PLCB1: variants seen among roughly 807,000 people sequenced by gnomAD.
The protein encoded by PLCB1 is 1-phosphatidylinositol 4,5-bisphosphate phosphodiesterase beta-1.
A neutral mutation model predicts 161.8 loss-of-function variants in PLCB1; 46 were observed. That is an observed-to-expected ratio of 0.28 (90% CI 0.22 to 0.36). The LOEUF (loss-of-function observed/expected upper bound fraction) is 0.36. Among genes scored for constraint, PLCB1 ranks in the 10% least tolerant of loss-of-function variants. The pLI, the probability that PLCB1 is intolerant of heterozygous loss-of-function variation, is 1.00. For synonymous variants in PLCB1, 517 were observed against 503.7 expected (o/e 1.03, Z -0.35); for missense variants, 1,016 against 1,472.5 (o/e 0.69, Z 5.07).
chr20:8,525,883 C>T (rs1984567059), intron 3 of PLCB1, among the ~76,000 whole-genome samples: 1 of 150,520 alleles, frequency 6.6e-6, no homozygotes, highest in Admixed American at 6.6e-5. Context: ...GACATTTGTT[C>T]AGCTCCTAAA....
intron 3 of PLCB1, among the ~76,000 whole-genome samples, chr20:8,553,211 G>A (rs920224832): frequency 6.6e-6 from 1 of 152,098 alleles, no homozygotes; most frequent in Non-Finnish European, 1.5e-5. Context: ...AATTCAAAAG[G>A]CACACTCTTG....
At chr20:8,799,104 G>A (rs6086601) in intron 31 of PLCB1, among the ~76,000 whole-genome samples, 40,236 of 152,050 alleles carry the variant, frequency 0.26, 5,458 homozygotes, top group Middle Eastern at 0.35. Flanking sequence ...CATGGATGCC[G>A]TTGATTCCTC....
intron 27 of PLCB1, among the ~76,000 whole-genome samples, chr20:8,775,184 C>T (rs150415283): frequency 1.1e-4 from 17 of 149,346 alleles, no homozygotes; most frequent in African/African-American, 3.0e-4. Context: ...ATGGCCAACA[C>T]GGAATGTTGG....
intron 26 of PLCB1, among the ~76,000 whole-genome samples, chr20:8,770,515 C>T (rs1014827): frequency 0.046 from 7,015 of 152,244 alleles, 349 homozygotes; most frequent in African/African-American, 0.13. Context: ...GCGCCTGTGA[C>T]AGCCTCAGGA....
intron 3 of PLCB1, among the ~76,000 whole-genome samples, chr20:8,578,958 G>T (rs949042866): frequency 6.6e-6 from 1 of 152,176 alleles, no homozygotes; most frequent in African/African-American, 2.4e-5. Flanking sequence ...CTTAATAAAT[G>T]TACATCTGGA....
intron 2 of PLCB1, among the ~76,000 whole-genome samples, chr20:8,252,652 A>G (rs1449972430): frequency 6.6e-6 from 1 of 151,986 alleles, no homozygotes; most frequent in East Asian, 1.9e-4. Context: ...ATAAAATCTC[A>G]TTAGCTCACA....
intron 2 of PLCB1, among the ~76,000 whole-genome samples, chr20:8,165,239 T>G (rs1184936527): frequency 6.6e-6 from 1 of 152,240 alleles, no homozygotes; most frequent in Non-Finnish European, 1.5e-5. Context: ...CAATGTTGTA[T>G]GTTAACCTAA....
chr20:8,463,794 A>G (rs73593751), intron 3 of PLCB1, among the ~76,000 whole-genome samples: 1,533 of 152,310 alleles, frequency 0.01, 29 homozygotes, highest in African/African-American at 0.035. Context: ...AGCTTCAGCT[A>G]TTTAGTCTGG....
At position 8,506,282 on chromosome 20, in the gene PLCB1, A is replaced by G. The variant is rs181892030; in HGVS notation, c.247-122012A>G. 2.0e-5 allele frequency among the ~76,000 whole-genome samples: 3 copies of G among 152,342 alleles called. No homozygotes were observed. The East Asian group carries it at 5.8e-4, about 29-fold the overall frequency. The stretch of plus-strand genomic sequence containing the variant: ...AGCTCTGTGAACTTGAACCTAACTC[A>G]ATTGAACTTGCTAATCTAATAATAA... On this transcript the variant is annotated intron_variant, in intron 3 of 31. Coordinates refer to ENST00000338037, the MANE Select transcript of PLCB1 (RefSeq NM_015192.4).
intron 4 of PLCB1, among the ~76,000 whole-genome samples, chr20:8,642,631 C>T (rs1327807250): frequency 2.0e-5 from 3 of 152,142 alleles, no homozygotes; most frequent in Non-Finnish European, 2.9e-5. Flanking sequence ...TTACATGTCT[C>T]ACCAATATTA....
chr20:8,360,667 C>G (rs952430250), intron 2 of PLCB1, among the ~76,000 whole-genome samples: 4 of 152,172 alleles, frequency 2.6e-5, no homozygotes, highest in Non-Finnish European at 5.9e-5. Flanking sequence ...CTCCTACCCC[C>G]ACAAATTAGC....
chr20:8,870,967 T>C (rs1181208824), intron 31 of PLCB1, among the ~76,000 whole-genome samples: 1 of 152,196 alleles, frequency 6.6e-6, no homozygotes, highest in Non-Finnish European at 1.5e-5. Context: ...AGCAACAGCA[T>C]CACCTTGGAG....
intron 26 of PLCB1, among the ~76,000 whole-genome samples, chr20:8,766,208 T>C (rs1982306661): frequency 6.6e-6 from 1 of 152,122 alleles, no homozygotes; most frequent in Non-Finnish European, 1.5e-5. Flanking sequence ...TCATCTCAAA[T>C]AGTAACATGG....
intron 2 of PLCB1, among the ~76,000 whole-genome samples, chr20:8,210,817 A>C (rs1488368362): frequency 6.6e-6 from 1 of 152,144 alleles, no homozygotes; most frequent in Non-Finnish European, 1.5e-5. Context: ...TCAAGTGAAC[A>C]TGTTAATATG....
chr20:8,592,490 A>G (rs1987180266), intron 3 of PLCB1, among the ~76,000 whole-genome samples: 1 of 152,214 alleles, frequency 6.6e-6, no homozygotes, highest in Non-Finnish European at 1.5e-5. Context: ...ATTTCTGGCC[A>G]GCATACGTGC....
chr20:8,310,152 G>C (rs140492235), intron 2 of PLCB1, among the ~76,000 whole-genome samples: 1,872 of 151,696 alleles, frequency 0.012, 20 homozygotes, highest in Middle Eastern at 0.034. Context: ...TTTTGTTTTT[G>C]TTACGGTGGG....
chr20:8,783,926 TG>T (rs1294164437), intron 27 of PLCB1, among the ~76,000 whole-genome samples: 1 of 152,098 alleles, frequency 6.6e-6, no homozygotes, highest in Non-Finnish European at 1.5e-5. Flanking sequence ...GGCCAAGAGA[TG>T]GGGGGTAAAA....
chr20:8,649,219 AT>A (rs1206031715), intron 6 of PLCB1, among the ~76,000 whole-genome samples, 154 bp from the exon 7 acceptor site: 1 of 152,220 alleles, frequency 6.6e-6, no homozygotes, highest in Non-Finnish European at 1.5e-5. Flanking sequence ...CAGAAGACAG[AT>A]GCAAATGCAT....
intron 2 of PLCB1, among the ~76,000 whole-genome samples, chr20:8,351,239 T>C (rs1193970151): frequency 4.6e-5 from 7 of 152,028 alleles, no homozygotes; most frequent in Non-Finnish European, 1.0e-4. Flanking sequence ...AATAATTCAA[T>C]AAAGAAAGGA....
Sources: gnomAD v4.1 joint callset for allele counts (sites outside exome capture counted in the v4.1 genomes callset) on GRCh38, gnomAD v4.1.1 for gene constraint, MANE v1.5 for transcripts, NCBI Gene and HGNC (gene_info 2026-07-23, HGNC 2026-07-21) for gene names.